The following CNGB3 variants were observed in gnomAD, a reference collection of about 807,000 sequenced individuals.
CNGB3 encodes cyclic nucleotide gated channel subunit beta 3.
A neutral mutation model predicts 92.8 loss-of-function variants in CNGB3; 86 were observed. The ratio of observed to expected loss-of-function variants is 0.93; its 90% CI spans 0.78 to 1.11. The LOEUF is 1.11. Among genes scored for constraint, CNGB3 ranks in the 50% least tolerant of loss-of-function variants. The pLI, the probability that CNGB3 is intolerant of heterozygous loss-of-function variation, is 0.00. For synonymous variants in CNGB3, 333 were observed against 332.7 expected, an observed-to-expected ratio of 1.00 and a Z score of -0.01; for missense variants, 1,026 against 956.8, an observed-to-expected ratio of 1.07 and a Z score of -0.95.
chr8:86,639,326 TCTC>T (rs1227988823), intron 10 of CNGB3, among the ~76,000 whole-genome samples: 19 of 152,260 alleles, frequency 1.2e-4, no homozygotes, highest in African/African-American at 4.6e-4. Context: ...TTACTTGTGT[TCTC>T]CTTTTGAACT....
At chr8:86,701,947 T>G (rs1824566016) in intron 3 of CNGB3, among the ~76,000 whole-genome samples, 1 of 152,238 alleles carries the variant, frequency 6.6e-6, no homozygotes, top group South Asian at 2.1e-4. Context: ...AAGTTATTAT[T>G]AAAATTTTGG....
At position 86,626,096 on chromosome 8, in the gene CNGB3, C is replaced by G. The variant is rs1449079913; in HGVS notation, c.1481-16G>C. ...TCAGACTCATCTTTATAAAGATAAA[C>G]ACATCAAACCCCGATGCAGAATAAT... On this transcript the variant is annotated splice_polypyrimidine_tract_variant and intron_variant, in intron 12 of 17. Coordinates refer to ENST00000320005, the MANE Select transcript of CNGB3 (RefSeq NM_019098.5). The G allele has an allele frequency of 6.4e-7, 1 of 1,560,966 alleles. No individual in the cohort carries two copies. The highest frequency in any genetic ancestry group is 8.8e-7 in the Non-Finnish European group (1 of 1,132,400).
chr8:86,592,400 G>A (rs371932431), intron 15 of CNGB3, among the ~76,000 whole-genome samples: 2 of 152,298 alleles, frequency 1.3e-5, no homozygotes, highest in African/African-American at 2.4e-5. Context: ...TACTATGAGC[G>A]AGATATTTTC....
At chr8:86,593,225 G>A (rs1563718948) in intron 15 of CNGB3, among the ~76,000 whole-genome samples, 1 of 152,208 alleles carries the variant, frequency 6.6e-6, no homozygotes, top group Non-Finnish European at 1.5e-5. Flanking sequence ...AAGTGGATGA[G>A]CGATGAAGAA....
intron 15 of CNGB3, among the ~76,000 whole-genome samples, chr8:86,592,386 T>C (rs1312886128): frequency 2.0e-5 from 3 of 152,222 alleles, no homozygotes; most frequent in Non-Finnish European, 4.4e-5. Context: ...TATTATTGAG[T>C]GCTTACTATG....
chr8:86,616,214 C>G (rs140813678), intron 13 of CNGB3, among the ~76,000 whole-genome samples: 21 of 152,238 alleles, frequency 1.4e-4, no homozygotes, highest in Middle Eastern at 3.4e-3. Context: ...ACTTGGATAG[C>G]ACATGGATCA....
intron 3 of CNGB3, among the ~76,000 whole-genome samples, chr8:86,702,119 A>G (rs1190088995): frequency 1.3e-5 from 2 of 152,250 alleles, no homozygotes; most frequent in Non-Finnish European, 2.9e-5. Flanking sequence ...TCCTCACATT[A>G]TAGCACATTG....
At chr8:86,603,402 G>A (rs1305040854) in intron 15 of CNGB3, among the ~76,000 whole-genome samples, 1 of 152,124 alleles carries the variant, frequency 6.6e-6, no homozygotes, top group African/African-American at 2.4e-5. Context: ...GAAGTGTTTA[G>A]CTCACAAAAT....
At position 86,742,586 on chromosome 8, in the gene CNGB3, A is replaced by G. The variant is rs1000057537; in HGVS notation, c.129+913T>C. Among the ~76,000 whole-genome samples the G allele has an allele frequency of 2.6e-5, 4 of 152,136 alleles. No individual in the cohort carries two copies. The South Asian group carries it at 8.3e-4, about 32-fold the overall frequency. ...TGCTTGTACTTGTCATCTCTCATCC[A>G]GCTGTTTCAGATGGCAAAATAACTA... On this transcript the variant is annotated intron_variant, in intron 1 of 17. Coordinates refer to ENST00000320005, the MANE Select transcript of CNGB3 (RefSeq NM_019098.5).
chr8:86,612,133 C>A (rs1822533161), intron 13 of CNGB3, among the ~76,000 whole-genome samples: 1 of 151,910 alleles, frequency 6.6e-6, no homozygotes, highest in South Asian at 2.1e-4. Flanking sequence ...TATTATTTAA[C>A]CTTGCAGGCT....
chr8:86,580,226 A>G (rs1449227023), intron 15 of CNGB3, among the ~76,000 whole-genome samples: 1 of 151,824 alleles, frequency 6.6e-6, no homozygotes, highest in Non-Finnish European at 1.5e-5. Context: ...CTCATGATCC[A>G]GTCACCTCCC....
chr8:86,743,040 A>G (rs1370293169), intron 1 of CNGB3, among the ~76,000 whole-genome samples: 5 of 152,138 alleles, frequency 3.3e-5, no homozygotes. Flanking sequence ...AGCTATGACA[A>G]CTGAAAGTGT....
chr8:86,689,942 T>A (rs960673737), intron 3 of CNGB3, among the ~76,000 whole-genome samples: 4 of 152,224 alleles, frequency 2.6e-5, no homozygotes, highest in Non-Finnish European at 5.9e-5. Flanking sequence ...TGTGCCACAT[T>A]TTCTTAATCC....
At chr8:86,589,665 G>A (rs1277577261) in intron 15 of CNGB3, among the ~76,000 whole-genome samples, 1 of 152,162 alleles carries the variant, frequency 6.6e-6, no homozygotes, top group Non-Finnish European at 1.5e-5. Flanking sequence ...GAGATTCTTA[G>A]TCCTGAGTTC....
chr8:86,735,678 C>T (rs1825238735), intron 2 of CNGB3, among the ~76,000 whole-genome samples: 1 of 152,172 alleles, frequency 6.6e-6, no homozygotes, highest in East Asian at 1.9e-4. Flanking sequence ...CTTTGACTCT[C>T]CTGCTTCAAC....
intron 3 of CNGB3, among the ~76,000 whole-genome samples, chr8:86,683,943 A>G (rs1031242785): frequency 6.6e-6 from 1 of 152,208 alleles, no homozygotes; most frequent in Non-Finnish European, 1.5e-5. Context: ...CTTAAGTTGG[A>G]CACTAAAAAT....
chr8:86,612,267 A>G (rs965476618), intron 13 of CNGB3, among the ~76,000 whole-genome samples: 3 of 152,190 alleles, frequency 2.0e-5, no homozygotes, highest in African/African-American at 7.2e-5. Flanking sequence ...TAGTGTAAGA[A>G]ACACTGTTTG....
At chr8:86,613,986 T>C (rs948445702) in intron 13 of CNGB3, among the ~76,000 whole-genome samples, 6 of 148,902 alleles carry the variant, frequency 4.0e-5, no homozygotes, top group African/African-American at 9.8e-5. Flanking sequence ...TATATACATA[T>C]AAAATAGAAA....
chr8:86,664,166 T>C (rs1823697293), intron 6 of CNGB3, among the ~76,000 whole-genome samples: 1 of 152,258 alleles, frequency 6.6e-6, no homozygotes, highest in African/African-American at 2.4e-5. Context: ...AATAGACTTT[T>C]GGCATAGCTT....
Sources: allele counts gnomAD v4.1 joint callset (sites outside exome capture counted in the v4.1 genomes callset), GRCh38; gene constraint gnomAD v4.1.1; transcripts MANE v1.5; gene names NCBI Gene and HGNC (gene_info 2026-07-23, HGNC 2026-07-21).